Variants in SHLD2 observed in about 807,000 individuals in gnomAD.
SHLD2 encodes shieldin complex subunit 2.
A neutral mutation model predicts 73.2 loss-of-function variants in SHLD2; 30 were observed. The ratio of observed to expected loss-of-function variants is 0.41; its 90% confidence interval spans 0.31 to 0.56. The LOEUF is 0.56. SHLD2 is among the 20% of genes least tolerant of loss of function. The pLI, the probability that SHLD2 is intolerant of heterozygous loss-of-function variation, is 0.28. For missense variants in SHLD2, 745 were observed against 1,055.9 expected (o/e 0.71, Z 4.08); for synonymous variants, 285 against 370.1 (o/e 0.77, Z 2.64).
At position 87,151,615 on chromosome 10, in the gene SHLD2, T is replaced by C. The variant is rs371944597; in HGVS notation, c.261T>C (p.His87=). The C allele has an allele frequency of 6.8e-6, 11 of 1,611,660 alleles. No individual in the cohort carries two copies. The African/African-American group carries it at 1.3e-4, about 20-fold the overall frequency. Residue 87 remains histidine (H), a synonymous_variant, in exon 3 of 10, where the codon CAT becomes CAC. Coordinates refer to ENST00000298786, the MANE Select transcript of SHLD2 (RefSeq NM_001330112.2). ...CAAACTGTATGAATAGACATGTTCATGTGAAAGATGACTTTGTACGTTCTG... is the reference window on the plus strand; with the variant it reads ...CAAACTGTATGAATAGACATGTTCACGTGAAAGATGACTTTGTACGTTCTG... ...FLANCMNRHV[H]VKDDFVRSVS... is the part of the protein sequence containing the mutation.
intron 2 of SHLD2, among the ~76,000 whole-genome samples, chr10:87,127,664 G>C (rs1173015721): frequency 6.6e-6 from 1 of 151,038 alleles, no homozygotes; most frequent in Non-Finnish European, 1.5e-5. Context: ...CATTGTGACA[G>C]TGAAATTATT....
chr10:87,144,140 G>A (rs565882105), intron 2 of SHLD2, among the ~76,000 whole-genome samples: 14 of 152,136 alleles, frequency 9.2e-5, no homozygotes, highest in African/African-American at 3.4e-4. Context: ...TGGGATTACA[G>A]GCATGACCCA....
At chr10:87,124,509 C>T (rs1843846441) in intron 2 of SHLD2, among the ~76,000 whole-genome samples, 1 of 152,098 alleles carries the variant, frequency 6.6e-6, no homozygotes. Flanking sequence ...GCACTCCAGC[C>T]TGGGTAACAG....
chr10:87,186,490 GATTTATTA>G, intron 8 of SHLD2, among the ~76,000 whole-genome samples: 1 of 152,198 alleles, frequency 6.6e-6, no homozygotes, highest in African/African-American at 2.4e-5. Flanking sequence ...TCCTTCCAGT[GATTTATTA>G]TGTTCATCCC....
chr10:87,186,294 TG>T (rs1848615157), intron 8 of SHLD2, among the ~76,000 whole-genome samples: 2 of 152,216 alleles, frequency 1.3e-5, no homozygotes, highest in South Asian at 4.1e-4. Context: ...CTAATGAGCC[TG>T]TTTCTGAATT....
intron 2 of SHLD2, among the ~76,000 whole-genome samples, chr10:87,115,771 G>C (rs2134036574): frequency 6.6e-6 from 1 of 152,236 alleles, no homozygotes; most frequent in African/African-American, 2.4e-5. Context: ...CAATGAATAG[G>C]TAATGTAAAC....
At chr10:87,163,221 G>A (rs183024330) in intron 4 of SHLD2, among the ~76,000 whole-genome samples, 5 of 152,136 alleles carry the variant, frequency 3.3e-5, no homozygotes, top group Admixed American at 1.3e-4. Flanking sequence ...AAAACTGTAT[G>A]TAGTATGCTG....
chr10:87,165,466 GC>G (rs1268081783), intron 4 of SHLD2, among the ~76,000 whole-genome samples: 1 of 152,204 alleles, frequency 6.6e-6, no homozygotes, highest in Admixed American at 6.5e-5. Context: ...TATCATAAAT[GC>G]TTTGATATTA....
At position 87,147,087 on chromosome 10, in the gene SHLD2, A is replaced by C. The variant is rs1046160412; in HGVS notation, c.-5-4263A>C. ...AAAAAAAAAAGAAAAAAAAAAAAAA[A>C]ACAAAAAAACCTTGTGTTTTATGGA... is the stretch of plus-strand genomic sequence containing the variant. On this transcript the variant is annotated intron_variant, in intron 2 of 9. Transcript: ENST00000298786. Among the ~76,000 whole-genome samples the C allele has an allele frequency of 2.6e-3, 387 of 150,130 alleles. 1 individual carries two copies. The highest frequency in any genetic ancestry group is 7.8e-3 in the African/African-American group (315 of 40,618).
intron 2 of SHLD2, among the ~76,000 whole-genome samples, chr10:87,138,770 T>C (rs559160300): frequency 3.0e-4 from 46 of 152,324 alleles, no homozygotes; most frequent in African/African-American, 1.1e-3. Flanking sequence ...AGTAAACAGC[T>C]AGAAAACAGG....
intron 2 of SHLD2, among the ~76,000 whole-genome samples, chr10:87,126,983 A>G (rs1844054495): frequency 6.6e-6 from 1 of 152,216 alleles, no homozygotes; most frequent in African/African-American, 2.4e-5. Context: ...CACAATTCCT[A>G]ATCTCACATA....
chr10:87,095,589 G>GT (rs1335169934), intron 1 of SHLD2, among the ~76,000 whole-genome samples: 5 of 152,252 alleles, frequency 3.3e-5, no homozygotes, highest in Admixed American at 3.3e-4. Flanking sequence ...GCTGCAGAGA[G>GT]CGGCGTGGCA....
intron 2 of SHLD2, among the ~76,000 whole-genome samples, chr10:87,144,362 G>C (rs544247635): frequency 2.0e-5 from 3 of 152,308 alleles, no homozygotes; most frequent in Admixed American, 2.0e-4. Flanking sequence ...TGTGATTACA[G>C]ATGTCTCACT....
chr10:87,097,201 C>A (rs182646911), intron 2 of SHLD2, among the ~76,000 whole-genome samples: 195 of 152,232 alleles, frequency 1.3e-3, no homozygotes, highest in African/African-American at 4.6e-3. Context: ...TTCTTTATAA[C>A]CTTAGCCTTC....
At chr10:87,128,270 A>T in intron 2 of SHLD2, among the ~76,000 whole-genome samples, 1 of 152,248 alleles carries the variant, frequency 6.6e-6, no homozygotes, top group Non-Finnish European at 1.5e-5. Context: ...AGGTTAGAAC[A>T]TAAATTATTT....
intron 2 of SHLD2, among the ~76,000 whole-genome samples, chr10:87,123,368 C>A (rs1300995602): frequency 2.6e-5 from 4 of 151,776 alleles, no homozygotes; most frequent in Admixed American, 2.6e-4. Flanking sequence ...GTGGCATGAT[C>A]TCGGGTCACT....
In SHLD2 at chr10:87,125,066, AAATT is replaced by A. The variant is rs1221812049; in HGVS notation, c.-5-26279_-5-26276del. Reference sequence around the variant, plus strand: ...CCTATGAAGTCATTACAAAGAAATTAAATTAATTGGTTTCATTGGCAGTATTGAA... The same window carrying A: ...CCTATGAAGTCATTACAAAGAAATTAAATTGGTTTCATTGGCAGTATTGAA... On this transcript the variant is annotated intron_variant, in intron 2 of 9. Coordinates refer to ENST00000298786, the MANE Select transcript of SHLD2 (RefSeq NM_001330112.2). 3.9e-5 allele frequency among the ~76,000 whole-genome samples: 6 copies of A among 152,320 alleles called. No homozygotes were observed. In the South Asian group the frequency reaches 6.2e-4, roughly 16 times the overall value.
At chr10:87,144,616 A>ATTTTTTTTTTTTTTTT (rs548218721) in intron 2 of SHLD2, among the ~76,000 whole-genome samples, 1 of 89,494 alleles carries the variant, frequency 1.1e-5, no homozygotes, top group African/African-American at 5.2e-5. Context: ...GCATTTACTA[A>ATTTTTTTTTTTTTTTT]TTTTTTTTTT....
upstream of SHLD2, chr10:87,094,935 G>A (rs1841698488): frequency 5.5e-6 from 2 of 364,182 alleles, no homozygotes; most frequent in East Asian, 1.1e-4. This position sits in a 1 kb window ranked among gnomAD's most constrained non-coding sequence, Gnocchi z 6.6. Context: ...TAACGGGGAG[G>A]ACGGACTTCG....
Sources: allele counts gnomAD v4.1 joint callset (sites outside exome capture counted in the v4.1 genomes callset), GRCh38; gene constraint gnomAD v4.1.1; non-coding constraint Gnocchi (gnomAD v3.1); transcripts MANE v1.5; gene names NCBI Gene and HGNC (gene_info 2026-07-23, HGNC 2026-07-21).